The following ZNF704 variants were observed in gnomAD, a reference collection of about 807,000 sequenced individuals.
ZNF704 encodes the protein zinc finger protein 704.
A neutral mutation model predicts 44.7 loss-of-function variants in ZNF704; 10 were observed. The ratio of observed to expected loss-of-function variants is 0.22; its 90% CI spans 0.14 to 0.38. The LOEUF (loss-of-function observed/expected upper bound fraction) is 0.38, where lower values mean the gene tolerates loss of function less well. Among genes scored for constraint, ZNF704 ranks in the 10% least tolerant of loss-of-function variants. ZNF704 has a pLI of 1.00. For synonymous variants in ZNF704, 211 were observed against 207.6 expected, an observed-to-expected ratio of 1.02 and a Z score of -0.14; for missense variants, 390 against 545.5, an observed-to-expected ratio of 0.71 and a Z score of 2.84.
chr8:80,730,538 TAAAAAAAAAAAAAAAAAA>T (rs148942015), intron 2 of ZNF704, among the ~76,000 whole-genome samples: 65 of 63,966 alleles, frequency 1.0e-3, no homozygotes, highest in African/African-American at 3.2e-3. Flanking sequence ...GACTACATCT[TAAAAAAAAAAAAAAAAAA>T]AAAAAAAAAA....
chr8:80,818,701 T>C (rs1267632440), intron 2 of ZNF704, among the ~76,000 whole-genome samples: 2 of 152,312 alleles, frequency 1.3e-5, no homozygotes, highest in South Asian at 2.1e-4. Flanking sequence ...ACAGGGCCAA[T>C]TGTATATAGA....
intron 2 of ZNF704, among the ~76,000 whole-genome samples, chr8:80,818,708 T>C (rs1586049852): frequency 6.6e-6 from 1 of 152,318 alleles, no homozygotes; most frequent in Middle Eastern, 3.4e-3. Context: ...CAATTGTATA[T>C]AGATTTCCTT....
intron 2 of ZNF704, among the ~76,000 whole-genome samples, chr8:80,726,832 T>C (rs1174843554): frequency 7.5e-6 from 1 of 132,458 alleles, no homozygotes; most frequent in African/African-American, 3.1e-5. Context: ...CACACACACA[T>C]GCACACACAC....
At chr8:80,807,799 A>C (rs762051135) in intron 2 of ZNF704, among the ~76,000 whole-genome samples, 11 of 152,002 alleles carry the variant, frequency 7.2e-5, no homozygotes, top group Non-Finnish European at 1.0e-4. Flanking sequence ...CAATTTAATA[A>C]GTAATATCAC....
chr8:80,829,515 T>C (rs1285672652), intron 1 of ZNF704, among the ~76,000 whole-genome samples: 1 of 152,150 alleles, frequency 6.6e-6, no homozygotes, highest in Non-Finnish European at 1.5e-5. Flanking sequence ...CATGCCTCCC[T>C]TGGGGCCAAA....
intron 2 of ZNF704, among the ~76,000 whole-genome samples, chr8:80,770,438 G>T (rs985553950): frequency 6.6e-6 from 1 of 152,050 alleles, no homozygotes; most frequent in African/African-American, 2.4e-5. Context: ...TTCCCTAATG[G>T]CTAATGATGT....
At chr8:80,873,415 A>C (rs1362774746) in intron 1 of ZNF704, 1 of 150,708 alleles carries the variant, frequency 6.6e-6, no homozygotes, top group Non-Finnish European at 1.5e-5. Context: ...CGCCTGACAC[A>C]CCCCTCCTGG....
intron 2 of ZNF704, among the ~76,000 whole-genome samples, chr8:80,769,238 A>C (rs535545831): frequency 6.6e-6 from 1 of 152,194 alleles, no homozygotes; most frequent in Admixed American, 6.5e-5. Context: ...GCAGAGGCCC[A>C]CTTACTCAGC....
chr8:80,827,509 T>C (rs1216480561), intron 1 of ZNF704, among the ~76,000 whole-genome samples: 1 of 152,148 alleles, frequency 6.6e-6, no homozygotes, highest in African/African-American at 2.4e-5. Context: ...AGGTAATTTA[T>C]AGATTCAATG....
chr8:80,708,026 C>A (rs1818923681), intron 2 of ZNF704, among the ~76,000 whole-genome samples: 1 of 152,076 alleles, frequency 6.6e-6, no homozygotes, highest in African/African-American at 2.4e-5. Flanking sequence ...TTCCTGTGTT[C>A]TTTTATTTAT....
In ZNF704 at chr8:80,670,490, A is replaced by C. The variant is rs1563512945; in HGVS notation, c.659+13T>G. On this transcript the variant is annotated intron_variant, in intron 5 of 8. Transcript: ENST00000327835. ...AGATGGGGGCTGCATCCCTGAAGAG[A>C]GAGCTGCCTTACCCCAGATGGATGG... 1.2e-5 allele frequency: 20 copies of C among 1,603,326 alleles called. No individual in the cohort carries two copies. The highest frequency in any genetic ancestry group is 2.2e-5 in the South Asian group (2 of 90,820).
chr8:80,862,814 T>C (rs1034972631), intron 1 of ZNF704, among the ~76,000 whole-genome samples: 1 of 150,066 alleles, frequency 6.7e-6, no homozygotes, highest in African/African-American at 2.4e-5. Context: ...AAAAGAATTG[T>C]TGTCACTCAG....
intron 5 of ZNF704, among the ~76,000 whole-genome samples, chr8:80,666,416 A>G (rs185182573): frequency 1.3e-5 from 2 of 151,808 alleles, no homozygotes; most frequent in Admixed American, 1.3e-4. Flanking sequence ...ATAATGCCGC[A>G]ATAAACATAC....
At chr8:80,708,976 A>G (rs567661434) in intron 2 of ZNF704, among the ~76,000 whole-genome samples, 36 of 152,296 alleles carry the variant, frequency 2.4e-4, no homozygotes, top group African/African-American at 8.4e-4. Flanking sequence ...TTGGAATTTG[A>G]TGGGAAAGTA....
chr8:80,795,646 A>G (rs1304312733), intron 2 of ZNF704, among the ~76,000 whole-genome samples: 1 of 150,970 alleles, frequency 6.6e-6, no homozygotes, highest in African/African-American at 2.4e-5. Context: ...TGAACCCAGG[A>G]GGCAGAGGCT....
chr8:80,848,863 A>G (rs1370473495), intron 1 of ZNF704, among the ~76,000 whole-genome samples: 4 of 152,328 alleles, frequency 2.6e-5, no homozygotes, highest in African/African-American at 9.6e-5. Context: ...GTAAATCAAT[A>G]AAGGCACAAG....
rs1817646698 is a variant in ZNF704 at position 80,635,120 on chromosome 8, A to G, written c.*6246T>C. ...CAGCTTTGCTTTTGATGTTATCTGC[A>G]TACTTGGCTAATTAGGCTAGCTTTT... On this transcript the variant is annotated 3_prime_UTR_variant, in exon 9 of 9. Transcript: ENST00000327835. 1 of 152,194 alleles carries G rather than the reference A, an allele frequency of 6.6e-6. No homozygotes were observed. Among genetic ancestry groups the G allele is most frequent in the Admixed American group, 6.5e-5 (1 of 15,276 alleles). 9.4% of individuals were successfully genotyped at this position (152,194 alleles called of 1,614,324 possible).
intron 5 of ZNF704, among the ~76,000 whole-genome samples, chr8:80,669,698 C>G (rs1818250259): frequency 1.3e-5 from 2 of 152,164 alleles, no homozygotes; most frequent in Admixed American, 1.3e-4. Context: ...CACACAGGAG[C>G]CTGGCCGTGC....
chr8:80,661,544 CTAAG>C (rs948063792), intron 6 of ZNF704, among the ~76,000 whole-genome samples: 6 of 152,234 alleles, frequency 3.9e-5, no homozygotes, highest in Non-Finnish European at 8.8e-5. Flanking sequence ...TGGAATCAAC[CTAAG>C]TGTCCATCAA....
Sources: allele counts gnomAD v4.1 joint callset (sites outside exome capture counted in the v4.1 genomes callset), GRCh38; gene constraint gnomAD v4.1.1; transcripts MANE v1.5; gene names NCBI Gene and HGNC (gene_info 2026-07-23, HGNC 2026-07-21).